Variants in CDK19 observed in about 807,000 individuals in gnomAD.
The protein encoded by CDK19 is cyclin dependent kinase 19.
Under a neutral mutation model 68.3 loss-of-function variants are expected in CDK19, and 20 were observed. That is an observed-to-expected ratio of 0.29 (90% CI 0.21 to 0.43). The LOEUF is 0.43. Ranked by LOEUF, CDK19 falls within the 20% of genes least tolerant of loss-of-function variation. The pLI, the probability that CDK19 is intolerant of heterozygous loss-of-function variation, is 1.00. For missense variants in CDK19, 339 were observed against 623.5 expected (o/e 0.54, Z 4.86); for synonymous variants, 221 against 222.8 (o/e 0.99, Z 0.07).
At chr6:110,796,149 C>T (rs1464990852) in intron 1 of CDK19, among the ~76,000 whole-genome samples, 1 of 152,080 alleles carries the variant, frequency 6.6e-6, no homozygotes, top group African/African-American at 2.4e-5. Flanking sequence ...CCATCCTGGC[C>T]AACATGGAGA....
At chr6:110,784,738 T>C (rs1327294323) in intron 1 of CDK19, among the ~76,000 whole-genome samples, 1 of 152,176 alleles carries the variant, frequency 6.6e-6, no homozygotes, top group Non-Finnish European at 1.5e-5. Context: ...CAATCAAATG[T>C]TCATCAGTTG....
intron 2 of CDK19, among the ~76,000 whole-genome samples, chr6:110,710,050 T>C (rs528467806): frequency 2.7e-3 from 405 of 152,260 alleles, no homozygotes; most frequent in Non-Finnish European, 4.4e-3. Flanking sequence ...ATAAAATATA[T>C]ACAGAATTGA....
chr6:110,686,980 C>T (rs1772547392), intron 2 of CDK19, among the ~76,000 whole-genome samples: 3 of 152,290 alleles, frequency 2.0e-5, no homozygotes, highest in African/African-American at 7.2e-5. Flanking sequence ...AGGAGGATTG[C>T]TTGAGCCCAG....
At chr6:110,675,760 G>A (rs533963998) in intron 2 of CDK19, among the ~76,000 whole-genome samples, 1 of 151,946 alleles carries the variant, frequency 6.6e-6, no homozygotes, top group South Asian at 2.1e-4. Flanking sequence ...CCCACTATTC[G>A]GACTGACTAC....
At chr6:110,646,338 A>G in intron 4 of CDK19, 1 of 1,469,076 alleles carries the variant, frequency 6.8e-7, no homozygotes, top group Non-Finnish European at 9.0e-7. Context: ...CCACGACGGC[A>G]TGCACTTCGA....
intron 4 of CDK19, among the ~76,000 whole-genome samples, chr6:110,641,607 A>AAAG (rs1780175944): frequency 7.0e-6 from 1 of 142,534 alleles, no homozygotes; most frequent in East Asian, 2.2e-4. Context: ...AAAAAAAAAA[A>AAAG]AAAGAAAAAG....
chr6:110,745,921 C>A (rs1421748728), intron 2 of CDK19, among the ~76,000 whole-genome samples: 1 of 151,990 alleles, frequency 6.6e-6, no homozygotes, highest in African/African-American at 2.4e-5. Flanking sequence ...TGGACTCCAG[C>A]CTGGGCAACA....
chr6:110,706,174 T>G (rs1302572081), intron 2 of CDK19, among the ~76,000 whole-genome samples: 2 of 151,594 alleles, frequency 1.3e-5, no homozygotes, highest in Non-Finnish European at 2.9e-5. Context: ...TGTGTCAGCC[T>G]CCCGAGTAGC....
chr6:110,721,614 T>C (rs2114744784), intron 2 of CDK19, among the ~76,000 whole-genome samples: 1 of 152,306 alleles, frequency 6.6e-6, no homozygotes, highest in Non-Finnish European at 1.5e-5. Flanking sequence ...CTTCCATTAA[T>C]AAAACCCTTG....
At chr6:110,734,520 GCTCTCTCTCT>G (rs34004722) in intron 2 of CDK19, among the ~76,000 whole-genome samples, 49 of 85,780 alleles carry the variant, frequency 5.7e-4, no homozygotes, top group African/African-American at 1.2e-3. Flanking sequence ...GGTGAGCACT[GCTCTCTCTCT>G]CTCTCTCTCT....
intron 12 of CDK19, among the ~76,000 whole-genome samples, chr6:110,617,082 C>T (rs371266874): frequency 6.6e-6 from 1 of 152,144 alleles, no homozygotes; most frequent in Admixed American, 6.5e-5. Context: ...TTTTCTCTGA[C>T]CTTTTTGTGC....
intron 2 of CDK19, among the ~76,000 whole-genome samples, chr6:110,674,258 CCT>C (rs1166384369): frequency 6.6e-6 from 1 of 152,170 alleles, no homozygotes; most frequent in African/African-American, 2.4e-5. Flanking sequence ...TCTCTTCGGG[CCT>C]CTCTATTGTC....
Position 110,811,234 on chromosome 6 carries a change from T to C in CDK19, c.128+3775A>G, listed in dbSNP as rs189270730. On this transcript the variant is annotated intron_variant, in intron 1 of 12. Transcript: ENST00000368911. ...ATACAATAATCTAACTACAAACCGA[T>C]TGTGAAAAACCCATCAAACACAGGC... Among the ~76,000 whole-genome samples the C allele has an allele frequency of 1.1e-4, 16 of 152,320 alleles. No homozygotes were observed. The East Asian group carries it at 1.9e-3, about 18-fold the overall frequency.
chr6:110,684,325 G>A (rs1772266036), intron 2 of CDK19, among the ~76,000 whole-genome samples: 1 of 151,470 alleles, frequency 6.6e-6, no homozygotes, highest in African/African-American at 2.4e-5. Flanking sequence ...ATTTTGCATT[G>A]CTATAAGACC....
At chr6:110,785,395 CATAA>C (rs1414403328) in intron 1 of CDK19, among the ~76,000 whole-genome samples, 2 of 152,260 alleles carry the variant, frequency 1.3e-5, no homozygotes, top group South Asian at 2.1e-4. Context: ...TCACTGATAA[CATAA>C]ATAGTCAATT....
chr6:110,814,455 C>T (rs1431229000), intron 1 of CDK19: 1 of 363,338 alleles, frequency 2.8e-6, no homozygotes, highest in Non-Finnish European at 5.3e-6. Context: ...GGCCGGCCAG[C>T]CCGAAGGGCG....
intron 1 of CDK19, among the ~76,000 whole-genome samples, chr6:110,793,539 G>A (rs1781737334): frequency 6.6e-6 from 1 of 152,178 alleles, no homozygotes; most frequent in African/African-American, 2.4e-5. Flanking sequence ...TTCATAAATT[G>A]TACTTATCAT....
chr6:110,635,869 A>C (rs1222450993), intron 5 of CDK19, among the ~76,000 whole-genome samples: 1 of 152,180 alleles, frequency 6.6e-6, no homozygotes, highest in East Asian at 1.9e-4. Context: ...AAAAAACAAC[A>C]CTGTATCAAA....
intron 2 of CDK19, among the ~76,000 whole-genome samples, chr6:110,713,112 G>A (rs1468811550): frequency 6.6e-6 from 1 of 150,982 alleles, no homozygotes; most frequent in Non-Finnish European, 1.5e-5. Flanking sequence ...CAGGAGACTC[G>A]CTTGAACCAG....
Sources: allele counts gnomAD v4.1 joint callset (sites outside exome capture counted in the v4.1 genomes callset), GRCh38; gene constraint gnomAD v4.1.1; transcripts MANE v1.5; gene names NCBI Gene and HGNC (gene_info 2026-07-23, HGNC 2026-07-21).